The following CPAMD8 variants were observed in gnomAD, a reference collection of about 807,000 sequenced individuals.
CPAMD8 encodes the protein C3 and PZP like alpha-2-macroglobulin domain containing 8.
In CPAMD8, 146 loss-of-function variants were observed where a neutral mutation model predicts 224.7. The observed-to-expected ratio is 0.65, with a 90% CI of 0.57 to 0.75. The LOEUF (loss-of-function observed/expected upper bound fraction) is 0.75, where lower values mean the gene tolerates loss of function less well. Among genes scored for constraint, CPAMD8 ranks in the 30% least tolerant of loss-of-function variants. The pLI is 0.00. For missense variants in CPAMD8, 2,301 were observed against 2,537.5 expected (o/e 0.91, Z 2.00); for synonymous variants, 966 against 1,044.6 (o/e 0.92, Z 1.45).
At chr19:17,015,499 C>T (rs1289923191) in intron 3 of CPAMD8, among the ~76,000 whole-genome samples, 3 of 152,126 alleles carry the variant, frequency 2.0e-5, no homozygotes, top group Non-Finnish European at 4.4e-5. Flanking sequence ...CGTCCCAGCC[C>T]TCTCTCCAGC....
intron 1 of CPAMD8, among the ~76,000 whole-genome samples, 177 bp from the exon 2 acceptor site, chr19:17,022,358 G>A (rs1460832957): frequency 1.3e-5 from 2 of 152,152 alleles, no homozygotes; most frequent in South Asian, 2.1e-4. Flanking sequence ...CCATGGATTG[G>A]CTCTTTCACC....
intron 11 of CPAMD8, among the ~76,000 whole-genome samples, chr19:16,996,719 TGAGGCA>T (rs775757753): frequency 2.3e-4 from 34 of 150,376 alleles, no homozygotes; most frequent in Non-Finnish European, 4.7e-4. Flanking sequence ...CTTGGGAGGC[TGAGGCA>T]GGAGAATCAC....
In CPAMD8 at chr19:16,949,359, C is replaced by T. The variant is rs2054227821; in HGVS notation, c.2509-2132G>A. Reference sequence around the variant, plus strand: ...CAGAGGGAAACCTCCCTTTAGGGGCCAACCTACAGGTCAGGGCATAGTCTG... The same window carrying T: ...CAGAGGGAAACCTCCCTTTAGGGGCTAACCTACAGGTCAGGGCATAGTCTG... On this transcript the variant is annotated intron_variant, in intron 20 of 41. Transcript: ENST00000443236. Among the ~76,000 whole-genome samples the T allele has an allele frequency of 2.0e-5, 3 of 152,152 alleles. No homozygotes were observed. The South Asian group carries it at 6.2e-4, about 32-fold the overall frequency.
rs1189510652 is a variant in CPAMD8 at position 16,925,388 on chromosome 19, A to G, written c.3371-16T>C. 6.2e-7 allele frequency: 1 copy of G among 1,607,196 alleles called. No individual in the cohort carries two copies. The highest frequency in any genetic ancestry group is 1.3e-5 in the African/African-American group (1 of 74,762). ...ATGACGTCCCCTGGTGGGAAGGAGA[A>G]GAGAGTTGAGTTGGGGGCTGTCCCA... On this transcript the variant is annotated splice_polypyrimidine_tract_variant and intron_variant, in intron 25 of 41. Coordinates refer to ENST00000443236, the MANE Select transcript of CPAMD8 (RefSeq NM_015692.5).
At chr19:16,895,629 G>A (rs1039240865) in intron 41 of CPAMD8, 3 of 338,284 alleles carry the variant, frequency 8.9e-6, no homozygotes, top group South Asian at 4.5e-5. Flanking sequence ...TGAGGAAACC[G>A]CACACTGTTA....
At position 16,898,346 on chromosome 19, in the gene CPAMD8, A is replaced by AT. The variant is rs143120093; in HGVS notation, c.4849-353dup. ...TTTTTGATCAAGACGGAGTTTCACC[A>AT]TGTTGGCCAGGCTGGTCTCCAACTC... On this transcript the variant is annotated intron_variant, in intron 37 of 41. Transcript: ENST00000443236. The surrounding 1 kb of genome is among the most constrained non-coding windows in gnomAD (Gnocchi z 4.2). Among the ~76,000 whole-genome samples, 4,361 of 151,694 alleles carry AT rather than the reference A, an allele frequency of 0.029. 187 individuals are homozygous for AT. The highest frequency in any genetic ancestry group is 0.099 in the African/African-American group (4,074 of 41,328).
intron 22 of CPAMD8, among the ~76,000 whole-genome samples, chr19:16,944,106 A>C (rs2053993124): frequency 6.6e-6 from 1 of 152,152 alleles, no homozygotes; most frequent in Non-Finnish European, 1.5e-5. Flanking sequence ...GGCCGTGCAC[A>C]GATGATGATT....
In CPAMD8 at chr19:16,914,412, T is replaced by G. The variant is rs186183261; in HGVS notation, c.3861+12A>C. ...CCAGCCCCGAGTCTCCCCAAACCCC[T>G]TCTGTACTCACCTCTGAGGCTGTGC... is the stretch of plus-strand genomic sequence containing the variant. On this transcript the variant is annotated intron_variant, in intron 29 of 41. Transcript: ENST00000443236. 6.2e-7 allele frequency: 1 copy of G among 1,613,394 alleles called. No individual in the cohort carries two copies. Among genetic ancestry groups the G allele is most frequent in the South Asian group, 1.1e-5 (1 of 91,072 alleles).
chr19:16,980,702 A>G lies in CPAMD8; in HGVS notation c.1396-16T>C, dbSNP rs142177452. ...CTTCCCCAACCTATGGAAGACACGC[A>G]GCATGGGGGGCTCTGCCTCGCACCA... On this transcript the variant is annotated splice_polypyrimidine_tract_variant and intron_variant, in intron 13 of 41. Coordinates refer to ENST00000443236, the MANE Select transcript of CPAMD8 (RefSeq NM_015692.5). The G allele has an allele frequency of 6.6e-7, 1 of 1,512,198 alleles. No individual in the cohort carries two copies. 93.7% of individuals were successfully genotyped at this position (1,512,198 alleles called of 1,614,324 possible).
intron 11 of CPAMD8, among the ~76,000 whole-genome samples, chr19:16,996,173 T>C (rs1459618700): frequency 6.6e-6 from 1 of 151,316 alleles, no homozygotes; most frequent in Non-Finnish European, 1.5e-5. Flanking sequence ...TAAATAAAAA[T>C]TTAAAAATAA....
In CPAMD8 at chr19:16,964,730, A is replaced by C. The variant is rs188056733; in HGVS notation, c.2213+6161T>G. Among the ~76,000 whole-genome samples, 257 of 152,284 alleles carry C rather than the reference A, an allele frequency of 1.7e-3. 2 individuals are homozygous for C. In the Middle Eastern group the frequency reaches 0.017, roughly 10 times the overall value. ...TGATACCAAAGCCTGGCAGAGACAC[A>C]ACAAAAAAAAGAGAATTTTAGACCA... On this transcript the variant is annotated intron_variant, in intron 18 of 41. Transcript: ENST00000443236.
intron 29 of CPAMD8, among the ~76,000 whole-genome samples, chr19:16,907,953 C>T (rs578108268): frequency 6.6e-6 from 1 of 152,314 alleles, no homozygotes; most frequent in Admixed American, 6.5e-5. Flanking sequence ...CAAATGAGGT[C>T]TGGCCAGGAT....
intron 3 of CPAMD8, 32 bp from the exon 4 acceptor site, chr19:17,011,789 A>G: frequency 6.2e-7 from 1 of 1,604,314 alleles, no homozygotes; most frequent in Non-Finnish European, 8.5e-7. Context: ...TTGGGACAAG[A>G]ATTCACCCTG....
rs75766464 is a variant in CPAMD8, at chr19:16,952,460, C to T, written c.2277-260G>A. Among the ~76,000 whole-genome samples the T allele has an allele frequency of 7.6e-3, 1,159 of 152,252 alleles. 24 individuals are homozygous for T. The highest frequency in any genetic ancestry group is 0.026 in the African/African-American group (1,078 of 41,550). ...TGAGAGGCCGAGGTGGGAGACTGCC[C>T]GAGCCCAGGAGTTCCGGACCACCCT... On this transcript the variant is annotated intron_variant, in intron 19 of 41. Transcript: ENST00000443236.
intron 41 of CPAMD8, chr19:16,895,903 GCACACACACACACACA>G (rs57280906): frequency 8.0e-5 from 42 of 524,810 alleles, no homozygotes; most frequent in Non-Finnish European, 8.4e-5. Flanking sequence ...GCGCGCGCAC[GCACACACACACACACA>G]CACACACACG....
chr19:16,924,476 C>T (rs1276349715), intron 26 of CPAMD8, among the ~76,000 whole-genome samples: 4 of 152,152 alleles, frequency 2.6e-5, no homozygotes, highest in Admixed American at 2.6e-4. Flanking sequence ...ATCTGAGCCC[C>T]CAGGACCTGG....
At chr19:16,968,127 T>C (rs2054923431) in intron 18 of CPAMD8, among the ~76,000 whole-genome samples, 1 of 151,928 alleles carries the variant, frequency 6.6e-6, no homozygotes, top group South Asian at 2.1e-4. Flanking sequence ...TGCATGTGAG[T>C]GGGTCAGGGC....
At chr19:17,020,821 C>T (rs373501358) in intron 2 of CPAMD8, among the ~76,000 whole-genome samples, 1 of 152,322 alleles carries the variant, frequency 6.6e-6, no homozygotes, top group East Asian at 1.9e-4. Context: ...GCCTCCAGGA[C>T]TCAATTAGGT....
chr19:16,946,820 T>A (rs780344383), intron 21 of CPAMD8, among the ~76,000 whole-genome samples: 2 of 152,130 alleles, frequency 1.3e-5, no homozygotes, highest in Non-Finnish European at 2.9e-5. Flanking sequence ...CATGTCTGCA[T>A]GTGTGTGTGC....
Sources: allele counts gnomAD v4.1 joint callset (sites outside exome capture counted in the v4.1 genomes callset), GRCh38; gene constraint gnomAD v4.1.1; non-coding constraint Gnocchi (gnomAD v3.1); transcripts MANE v1.5; gene names NCBI Gene and HGNC (gene_info 2026-07-23, HGNC 2026-07-21).